Variants in PTPRD observed in about 807,000 individuals in gnomAD.
PTPRD encodes protein tyrosine phosphatase receptor type D.
In PTPRD, 34 loss-of-function variants were observed where a neutral mutation model predicts 214.5. The observed-to-expected ratio is 0.16, with a 90% CI of 0.12 to 0.21. The LOEUF (loss-of-function observed/expected upper bound fraction) is 0.21, where lower values mean the gene tolerates loss of function less well. Ranked by LOEUF, PTPRD falls within the 10% of genes least tolerant of loss-of-function variation. PTPRD has a pLI of 1.00. For synonymous variants in PTPRD, 1,128 were observed against 845.7 expected, an observed-to-expected ratio of 1.33 and a Z score of -5.79; for missense variants, 2,545 against 2,398.7, an observed-to-expected ratio of 1.06 and a Z score of -1.27.
Position 10,369,346 on chromosome 9 carries a change from G to A in PTPRD, c.-599-28329C>T, listed in dbSNP as rs144738226. On this transcript the variant is annotated intron_variant, in intron 2 of 45. Coordinates refer to ENST00000381196, the MANE Select transcript of PTPRD (RefSeq NM_002839.4). Reference sequence around the variant, plus strand: ...AGATCAAACATGAAATGGCAGGTGTGCTTCAATTCTCATAGCCAGGCATCT... The same window carrying A: ...AGATCAAACATGAAATGGCAGGTGTACTTCAATTCTCATAGCCAGGCATCT... Among the ~76,000 whole-genome samples the A allele has an allele frequency of 8.5e-5, 13 of 152,158 alleles. No homozygotes were observed. The East Asian group carries it at 2.1e-3, about 25-fold the overall frequency.
intron 39 of PTPRD, among the ~76,000 whole-genome samples, chr9:8,354,826 G>A (rs1022384181): frequency 6.6e-5 from 10 of 152,166 alleles, no homozygotes; most frequent in Non-Finnish European, 1.0e-4. Flanking sequence ...CAAGGTCCAC[G>A]ATTCTATCAA....
chr9:9,152,736 C>A (rs2099877917), intron 10 of PTPRD, among the ~76,000 whole-genome samples: 1 of 152,140 alleles, frequency 6.6e-6, no homozygotes, highest in South Asian at 2.1e-4. Context: ...GGGCCTTGGG[C>A]AAATGGGCCA....
At chr9:10,500,208 G>C (rs2043240062) in intron 2 of PTPRD, among the ~76,000 whole-genome samples, 2 of 151,722 alleles carry the variant, frequency 1.3e-5, no homozygotes, top group Non-Finnish European at 2.9e-5. Flanking sequence ...CATTCTGTAG[G>C]TCAGTAAACT....
chr9:9,354,168 A>G (rs1028767677), intron 9 of PTPRD, among the ~76,000 whole-genome samples: 1 of 151,724 alleles, frequency 6.6e-6, no homozygotes, highest in Non-Finnish European at 1.5e-5. Context: ...AGTTTTACCC[A>G]TGATGGTTCC....
chr9:9,888,988 A>G (rs1379297303), intron 5 of PTPRD, among the ~76,000 whole-genome samples: 8 of 152,154 alleles, frequency 5.3e-5, no homozygotes, highest in African/African-American at 1.9e-4. Context: ...AAGTTCTAGG[A>G]CATTATATTA....
intron 2 of PTPRD, among the ~76,000 whole-genome samples, chr9:10,592,059 G>C (rs548479942): frequency 1.5e-4 from 23 of 152,224 alleles, no homozygotes; most frequent in Admixed American, 2.6e-4. Context: ...CGCAGCAACA[G>C]ATAAATAACA....
chr9:8,812,123 G>A (rs1374265707), intron 11 of PTPRD, among the ~76,000 whole-genome samples: 1 of 152,114 alleles, frequency 6.6e-6, no homozygotes, highest in Non-Finnish European at 1.5e-5. Flanking sequence ...GAAAAAATAA[G>A]TACTCATTAG....
At chr9:8,726,858 C>G (rs993806175) in intron 12 of PTPRD, among the ~76,000 whole-genome samples, 1 of 148,766 alleles carries the variant, frequency 6.7e-6, no homozygotes, top group Admixed American at 6.7e-5. Context: ...GTAGTTCCAG[C>G]TACTAGGGAG....
chr9:10,518,646 C>T (rs909815637), intron 2 of PTPRD, among the ~76,000 whole-genome samples: 12 of 151,958 alleles, frequency 7.9e-5, no homozygotes, highest in African/African-American at 2.9e-4. Flanking sequence ...CATTCTGCTG[C>T]CTCAGCCTCC....
intron 9 of PTPRD, among the ~76,000 whole-genome samples, chr9:9,337,269 G>T (rs916146028): frequency 1.3e-5 from 2 of 152,162 alleles, no homozygotes; most frequent in African/African-American, 4.8e-5. Context: ...ATCCAAAATT[G>T]TAGTCAGCAA....
At chr9:9,617,677 G>A (rs892677181) in intron 7 of PTPRD, among the ~76,000 whole-genome samples, 5 of 152,152 alleles carry the variant, frequency 3.3e-5, no homozygotes, top group Non-Finnish European at 7.4e-5. Context: ...AGTATTTGAA[G>A]GGTGGGGTGA....
intron 10 of PTPRD, among the ~76,000 whole-genome samples, chr9:9,072,455 A>G (rs1021089965): frequency 2.6e-5 from 4 of 152,190 alleles, no homozygotes; most frequent in African/African-American, 7.2e-5. Flanking sequence ...GGTAGAGCAG[A>G]TGGCATCCTC....
chr9:9,632,455 A>G (rs2095623774), intron 7 of PTPRD, among the ~76,000 whole-genome samples: 2 of 152,286 alleles, frequency 1.3e-5, no homozygotes, highest in Admixed American at 1.3e-4. Context: ...GTAGGGAAGG[A>G]GTATTAAAAA....
intron 2 of PTPRD, among the ~76,000 whole-genome samples, chr9:10,381,766 C>G (rs966942488): frequency 4.0e-4 from 60 of 151,894 alleles, no homozygotes; most frequent in African/African-American, 1.4e-3. Context: ...TTGTGTAGCA[C>G]TAGTGTGGAG....
At chr9:10,030,627 C>G (rs1232516111) in intron 4 of PTPRD, among the ~76,000 whole-genome samples, 1 of 152,080 alleles carries the variant, frequency 6.6e-6, no homozygotes, top group Non-Finnish European at 1.5e-5. Flanking sequence ...TAAGAAGGGT[C>G]AAATATATGA....
At chr9:9,302,225 G>A (rs943228233) in intron 9 of PTPRD, among the ~76,000 whole-genome samples, 6 of 151,646 alleles carry the variant, frequency 4.0e-5, no homozygotes, top group South Asian at 2.1e-4. Context: ...CCGAAAATAT[G>A]TTATGGCATT....
intron 11 of PTPRD, among the ~76,000 whole-genome samples, chr9:8,796,896 T>A (rs940996389): frequency 1.3e-5 from 2 of 152,126 alleles, no homozygotes; most frequent in African/African-American, 4.8e-5. Context: ...TAAAATTCAA[T>A]TCAAATTATA....
At chr9:10,591,774 G>T (rs2075509310) in intron 2 of PTPRD, among the ~76,000 whole-genome samples, 2 of 152,016 alleles carry the variant, frequency 1.3e-5, no homozygotes, top group South Asian at 4.1e-4. Flanking sequence ...GTCATAAAAG[G>T]CAGGGTGGCA....
At chr9:8,727,372 G>A (rs951491492) in intron 12 of PTPRD, among the ~76,000 whole-genome samples, 9 of 152,188 alleles carry the variant, frequency 5.9e-5, no homozygotes, top group Admixed American at 6.5e-5. Flanking sequence ...TGAGGCTAAA[G>A]GATCAGTAAA....
Sources: allele counts gnomAD v4.1 joint callset (sites outside exome capture counted in the v4.1 genomes callset), GRCh38; gene constraint gnomAD v4.1.1; transcripts MANE v1.5; gene names NCBI Gene and HGNC (gene_info 2026-07-23, HGNC 2026-07-21).